The following TLCD3A variants were observed in gnomAD, a reference collection of about 807,000 sequenced individuals.
TLCD3A encodes TLC domain containing 3A.
Under a neutral mutation model 29.9 loss-of-function variants are expected in TLCD3A, and 17 were observed. The observed-to-expected ratio is 0.57, with a 90% confidence interval of 0.39 to 0.85. TLCD3A has a LOEUF of 0.85. Among genes scored for constraint, TLCD3A ranks in the 40% least tolerant of loss-of-function variants. The probability of loss-of-function intolerance (pLI) is 0.00; values close to 1 mark genes in which losing one functional copy is unlikely to be tolerated. For synonymous variants in TLCD3A, 143 were observed against 147.7 expected (o/e 0.97, Z 0.23); for missense variants, 332 against 350.8 (o/e 0.95, Z 0.43).
In TLCD3A at chr17:741,575, T is replaced by C; in HGVS notation, c.*5T>C. 4 of 1,610,946 alleles carry C rather than the reference T, an allele frequency of 2.5e-6. No homozygotes were observed. The highest frequency in any genetic ancestry group is 3.4e-6 in the Non-Finnish European group (4 of 1,179,878). On this transcript the variant is annotated 3_prime_UTR_variant, in exon 5 of 5. Coordinates refer to ENST00000308278, the MANE Select transcript of TLCD3A (RefSeq NM_024792.3). ...CAAGCCAAAAAGGATGGCTAAATGC[T>C]CCTGGGAGTCAGGCGCAGCCTCACA...
In TLCD3A at chr17:734,009, C is replaced by T. The variant is rs553497969; in HGVS notation, c.206+828C>T. On this transcript the variant is annotated intron_variant, in intron 2 of 4. Coordinates refer to ENST00000308278, the MANE Select transcript of TLCD3A (RefSeq NM_024792.3). ...AAGCTGTCCGTCTCACTCTAGCCTG[C>T]GGTCTTACCTGGGATCAATCCTGCT... Among the ~76,000 whole-genome samples, 3 of 152,282 alleles carry T rather than the reference C, an allele frequency of 2.0e-5. No individual in the cohort carries two copies. The South Asian group carries it at 6.2e-4, about 32-fold the overall frequency.
chr17:736,952 C>G (rs990118596), intron 2 of TLCD3A, among the ~76,000 whole-genome samples: 6 of 151,974 alleles, frequency 3.9e-5, no homozygotes, highest in African/African-American at 1.2e-4. Flanking sequence ...CCACGCCCAG[C>G]CTCCAGACCT....
intron 2 of TLCD3A, among the ~76,000 whole-genome samples, chr17:735,057 CTG>C (rs1974134003): frequency 6.6e-6 from 1 of 151,954 alleles, no homozygotes; most frequent in South Asian, 2.1e-4. Flanking sequence ...GAGTCTCACT[CTG>C]TCACTCAGAC....
At chr17:740,432 C>A in intron 3 of TLCD3A, 73 bp from the exon 4 acceptor site, 1 of 1,094,018 alleles carries the variant, frequency 9.1e-7, no homozygotes, top group East Asian at 2.3e-5. Context: ...TTTTCAGTAG[C>A]CCTCGTTGGA....
chr17:733,035 C>CCGGGT (rs1345223696), intron 1 of TLCD3A, 63 bp from the exon 2 acceptor site: 2 of 1,523,254 alleles, frequency 1.3e-6, no homozygotes, highest in Middle Eastern at 1.8e-4. Context: ...AAGGGCCGGG[C>CCGGGT]CGGGCTCCCT....
chr17:739,161 G>C (rs911094708), intron 3 of TLCD3A, among the ~76,000 whole-genome samples: 4 of 150,896 alleles, frequency 2.7e-5, no homozygotes, highest in African/African-American at 9.7e-5. Context: ...GCCTGGCCAG[G>C]GGAAGGCATG....
In TLCD3A at chr17:737,950, G is replaced by T. The variant is rs139971547; in HGVS notation, c.311G>T (p.Arg104Leu). Residue 104 changes from arginine (R) to leucine (L), a missense_variant, in exon 3 of 5, where the codon CGT becomes CTT. Coordinates refer to ENST00000308278, the MANE Select transcript of TLCD3A (RefSeq NM_024792.3). ...TGGTGCCGAACCAGAGACCAGAACC[G>T]TGCGCCCTCCCTCACTCTTCGAAAC... is the stretch of plus-strand genomic sequence containing the variant. ...CEWCRTRDQNRAPSLTLRNFL... is the reference protein window; with the variant it reads ...CEWCRTRDQNLAPSLTLRNFL... The T allele has an allele frequency of 1.2e-6, 2 of 1,613,958 alleles. No homozygotes were observed. Among genetic ancestry groups the T allele is most frequent in the Middle Eastern group, 1.6e-4 (1 of 6,062 alleles).
Position 732,599 on chromosome 17 carries a change from C to A in TLCD3A, c.-49C>A, listed in dbSNP as rs772774039. 2.5e-6 allele frequency: 3 copies of A among 1,178,312 alleles called. No homozygotes were observed. Among genetic ancestry groups the A allele is most frequent in the Non-Finnish European group, 3.2e-6 (3 of 951,214 alleles). The allele number at this position is 1,178,312 out of a possible 1,614,324, so 73.0% of individuals were successfully genotyped here. On this transcript the variant is annotated 5_prime_UTR_variant, in exon 1 of 5. Transcript: ENST00000308278. ...CGCGGCCGGGCCGGGGCGCGCCGAG[C>A]CGAACCCAGCCACGCGGCGCCAGCG...
chr17:738,401 T>TA (rs1974198011), intron 3 of TLCD3A, among the ~76,000 whole-genome samples: 2 of 150,320 alleles, frequency 1.3e-5, no homozygotes, highest in East Asian at 4.0e-4. Flanking sequence ...CGGCCTGAGC[T>TA]GGATGTCTTG....
chr17:734,211 GTC>G (rs1974120266), intron 2 of TLCD3A, among the ~76,000 whole-genome samples: 1 of 151,236 alleles, frequency 6.6e-6, no homozygotes, highest in African/African-American at 2.4e-5. Context: ...TAAAGACAGG[GTC>G]TCACTATGTT....
intron 1 of TLCD3A, 95 bp from the exon 2 acceptor site, chr17:733,002 TG>T: frequency 6.9e-7 from 1 of 1,454,924 alleles, no homozygotes; most frequent in Non-Finnish European, 9.3e-7. Context: ...CACATCTGCC[TG>T]CGGCTGGGGA....
At chr17:732,943 G>A in intron 1 of TLCD3A, 155 bp from the exon 2 acceptor site, 1 of 1,378,612 alleles carries the variant, frequency 7.3e-7, no homozygotes, top group Non-Finnish European at 9.6e-7. Flanking sequence ...TGGCGGGAGC[G>A]GGGCCGGGGC....
At chr17:734,602 C>T (rs531926473) in intron 2 of TLCD3A, among the ~76,000 whole-genome samples, 1 of 152,172 alleles carries the variant, frequency 6.6e-6, no homozygotes, top group Non-Finnish European at 1.5e-5. Context: ...GCGTGAGCCA[C>T]TGCACCCAGC....
intron 2 of TLCD3A, 22 bp downstream of exon 2, chr17:733,203 T>C (rs1458552289): frequency 2.0e-6 from 3 of 1,516,712 alleles, no homozygotes; most frequent in Admixed American, 4.2e-5. Flanking sequence ...GGCCGGGGCC[T>C]TGTTGCAAAT....
At chr17:735,986 C>CAAAAAAAAAAAAAAAAA (rs55943725) in intron 2 of TLCD3A, among the ~76,000 whole-genome samples, 2 of 107,276 alleles carry the variant, frequency 1.9e-5, no homozygotes, top group Non-Finnish European at 3.6e-5. Flanking sequence ...AAACCAAAAC[C>CAAAAAAAAAAAAAAAAA]AAAAAAAAAA....
At position 733,138 on chromosome 17, in the gene TLCD3A, G is replaced by C; in HGVS notation, c.163G>C (p.Gly55Arg). 1 of 1,588,900 alleles carries C rather than the reference G, an allele frequency of 6.3e-7. No individual in the cohort carries two copies. The highest frequency in any genetic ancestry group is 8.6e-7 in the Non-Finnish European group (1 of 1,169,272). ...SVHAVLATGS[G>R]IVIIRSCDDV... is the part of the protein sequence containing the mutation. ...GCACGCCGTGCTGGCCACCGGCTCG[G>C]GGATCGTCATCATTCGCTCCTGCGA... is the stretch of plus-strand genomic sequence containing the variant. The change falls in exon 2 of 5, where the codon GGG becomes CGG. Residue 55 changes from glycine to arginine, a missense_variant. By Grantham distance (125) the Gly-to-Arg change is moderately radical. Transcript: ENST00000308278.
rs765382549 is a variant in TLCD3A, at chr17:741,429, G to T, written c.633G>T (p.Leu211=). ...WSYGRQQGLS[L]LQVPFSIPFY... ...ATGGCCGCCAGCAGGGACTAAGCCT[G>T]CTCCAAGTACCCTTCAGCATCCCAT... Residue 211 remains leucine (L), a synonymous_variant, in exon 5 of 5, where the codon CTG becomes CTT. Coordinates refer to ENST00000308278, the MANE Select transcript of TLCD3A (RefSeq NM_024792.3). 5.0e-6 allele frequency: 8 copies of T among 1,614,210 alleles called. 1 individual carries two copies. In the South Asian group the frequency reaches 8.8e-5, roughly 18 times the overall value.
intron 2 of TLCD3A, among the ~76,000 whole-genome samples, chr17:736,681 A>T (rs1340068866): frequency 6.6e-6 from 1 of 152,092 alleles, no homozygotes; most frequent in Non-Finnish European, 1.5e-5. Flanking sequence ...TTTGAGACGG[A>T]GTCTCACTCT....
Position 742,796 on chromosome 17 carries a change from T to G in TLCD3A, c.*1226T>G, listed in dbSNP as rs1974279383. On this transcript the variant is annotated 3_prime_UTR_variant, in exon 5 of 5. Transcript: ENST00000308278. ...TAAAAAGTGGATTTTTAAAGTGCCT[T>G]TCAATTGTCTGTGAACGTCTAAAGG... 6.5e-6 allele frequency: 1 copy of G among 152,680 alleles called. No homozygotes were observed. The highest frequency in any genetic ancestry group is 1.5e-5 in the Non-Finnish European group (1 of 68,048). 9.5% of individuals were successfully genotyped at this position (152,680 alleles called of 1,614,324 possible). A position where few individuals can be genotyped will look rare whatever the true frequency, so the allele number is the denominator to read the frequency against.
Sources: gnomAD v4.1 joint callset for allele counts (sites outside exome capture counted in the v4.1 genomes callset) on GRCh38, gnomAD v4.1.1 for gene constraint, MANE v1.5 for transcripts, NCBI Gene and HGNC (gene_info 2026-07-23, HGNC 2026-07-21) for gene names.